The following CRTC1 variants were observed in gnomAD, a reference collection of about 807,000 sequenced individuals.
CRTC1 encodes CREB-regulated transcription coactivator 1.
A neutral mutation model predicts 66.1 loss-of-function variants in CRTC1; 18 were observed. That is an observed-to-expected ratio of 0.27 (90% CI 0.19 to 0.40). The LOEUF is 0.40. Ranked by LOEUF, CRTC1 falls within the 10% of genes least tolerant of loss-of-function variation. The pLI is 1.00. For synonymous variants in CRTC1, 416 were observed against 398.8 expected, an observed-to-expected ratio of 1.04 and a Z score of -0.51; for missense variants, 669 against 887.9, an observed-to-expected ratio of 0.75 and a Z score of 3.13.
rs574177939 is a variant in CRTC1 at position 18,741,874 on chromosome 19, C to T, written c.127-1036C>T. Among the ~76,000 whole-genome samples, 1 of 152,234 alleles carries T rather than the reference C, an allele frequency of 6.6e-6. No individual in the cohort carries two copies. The highest frequency in any genetic ancestry group is 2.4e-5 in the African/African-American group (1 of 41,542). ...TACTTCCGCCTCCGGTGTCCAGGGC[C>T]CCCTAGGAAGCTGGGGCGGTGGGGC... On this transcript the variant is annotated intron_variant, in intron 1 of 13. Coordinates refer to ENST00000321949, the MANE Select transcript of CRTC1 (RefSeq NM_015321.3). The surrounding 1 kb of genome is among the most constrained non-coding windows in gnomAD (Gnocchi z 4.2).
intron 1 of CRTC1, among the ~76,000 whole-genome samples, chr19:18,691,965 G>A (rs530891406): frequency 2.0e-5 from 3 of 151,924 alleles, no homozygotes; most frequent in African/African-American, 4.8e-5. Flanking sequence ...CACCTGCCTC[G>A]GCCTCCCAAT....
At chr19:18,723,378 A>T (rs564062477) in intron 1 of CRTC1, among the ~76,000 whole-genome samples, 2 of 152,188 alleles carry the variant, frequency 1.3e-5, no homozygotes, top group Non-Finnish European at 2.9e-5. Flanking sequence ...CAATCTCCCC[A>T]TGGGGAGAGA....
chr19:18,779,672 G>A lies in CRTC1; in HGVS notation c.*2290G>A, dbSNP rs115717256. The A allele has an allele frequency of 9.5e-3, 2,137 of 224,688 alleles. 51 individuals are homozygous for A. Among genetic ancestry groups the A allele is most frequent in the African/African-American group, 0.044 (1,990 of 44,886 alleles). The allele number at this position is 224,688 out of a possible 1,614,324, so 13.9% of individuals were successfully genotyped here. ...CGCCACTGCTTGTCCTCTGGTCTTC[G>A]GTGTGGACAGATAGGAGAGGAGGGA... On this transcript the variant is annotated 3_prime_UTR_variant, in exon 14 of 14. Transcript: ENST00000321949.
chr19:18,703,834 G>T (rs564478115), intron 1 of CRTC1, among the ~76,000 whole-genome samples: 40 of 152,312 alleles, frequency 2.6e-4, no homozygotes, highest in African/African-American at 8.9e-4. Context: ...CTGACCCCAA[G>T]TTATCTGCCT....
At chr19:18,749,306 T>C (rs1367059660) in intron 4 of CRTC1, among the ~76,000 whole-genome samples, 2 of 152,086 alleles carry the variant, frequency 1.3e-5, no homozygotes, top group African/African-American at 4.8e-5. Context: ...ACACTGAGCA[T>C]CCTAGAGGGC....
intron 12 of CRTC1, among the ~76,000 whole-genome samples, chr19:18,775,335 C>T (rs139744952): frequency 1.7e-4 from 26 of 152,346 alleles, no homozygotes; most frequent in East Asian, 1.5e-3. Context: ...GCGGGTTTGC[C>T]GGGAGGTCGT....
chr19:18,685,357 GA>G (rs200761111), intron 1 of CRTC1, among the ~76,000 whole-genome samples: 9 of 148,326 alleles, frequency 6.1e-5, no homozygotes, highest in African/African-American at 7.5e-5. Context: ...ATGAATGAAT[GA>G]AAAAAAAATA....
intron 1 of CRTC1, among the ~76,000 whole-genome samples, chr19:18,685,050 C>G (rs1180892739): frequency 6.6e-6 from 1 of 152,148 alleles, no homozygotes; most frequent in Non-Finnish European, 1.5e-5. Flanking sequence ...TGCTCGTATC[C>G]CTGGTTTCCA....
chr19:18,713,405 A>G (rs2053434548), intron 1 of CRTC1, among the ~76,000 whole-genome samples: 3 of 152,126 alleles, frequency 2.0e-5, no homozygotes, highest in African/African-American at 7.2e-5. Context: ...ATCTATACTG[A>G]GGACTGGAAT....
chr19:18,716,547 G>A (rs139650321), intron 1 of CRTC1, among the ~76,000 whole-genome samples: 2 of 152,316 alleles, frequency 1.3e-5, no homozygotes, highest in African/African-American at 4.8e-5. Flanking sequence ...ACTGTGCCTG[G>A]CCGGCTCCTG....
rs1303264610 is a variant in CRTC1, at chr19:18,756,998, C to T, written c.625-2553C>T. Among the ~76,000 whole-genome samples the T allele has an allele frequency of 2.6e-5, 4 of 152,242 alleles. No homozygotes were observed. In the South Asian group the frequency reaches 6.2e-4, roughly 24 times the overall value. ...GCGTTCTCCACAGAGGCTTAACACC[C>T]GCCGGTCGCACGCCACCCCTCGGGC... On this transcript the variant is annotated intron_variant, in intron 6 of 13. Coordinates refer to ENST00000321949, the MANE Select transcript of CRTC1 (RefSeq NM_015321.3).
rs755728185 is a variant in CRTC1, at chr19:18,742,984, C to T, written c.201C>T (p.Asn67=). 21 of 1,613,070 alleles carry T rather than the reference C, an allele frequency of 1.3e-5. No individual in the cohort carries two copies. The highest frequency in any genetic ancestry group is 7.7e-5 in the South Asian group (7 of 91,060). The part of the protein sequence containing the change: ...RGQYYGGSLP[N]VNQIGSGTMD... ...AGTACTATGGCGGGTCCCTGCCCAACGTGAACCAGATCGGGAGTGGCACCA... is the reference window on the plus strand; with the variant it reads ...AGTACTATGGCGGGTCCCTGCCCAATGTGAACCAGATCGGGAGTGGCACCA... The change falls in exon 2 of 14, where the codon AAC becomes AAT. Residue 67 remains asparagine, a synonymous_variant. Coordinates refer to ENST00000321949, the MANE Select transcript of CRTC1 (RefSeq NM_015321.3).
intron 1 of CRTC1, among the ~76,000 whole-genome samples, chr19:18,688,134 G>T (rs1347571341): frequency 6.6e-6 from 1 of 152,138 alleles, no homozygotes; most frequent in Non-Finnish European, 1.5e-5. Context: ...ATAGTTTTAG[G>T]GGGGACAGGA....
chr19:18,739,876 G>A (rs113630067), intron 1 of CRTC1, among the ~76,000 whole-genome samples: 3,584 of 152,238 alleles, frequency 0.024, 60 homozygotes, highest in Non-Finnish European at 0.038. Flanking sequence ...CCCACCCTCT[G>A]GCTAGAAAAT....
intron 1 of CRTC1, among the ~76,000 whole-genome samples, chr19:18,699,232 C>T (rs1401053417): frequency 6.6e-6 from 1 of 152,228 alleles, no homozygotes. Context: ...TCCAATGTCC[C>T]CACTTCAGTC....
chr19:18,716,809 T>A (rs2053518295), intron 1 of CRTC1, among the ~76,000 whole-genome samples: 1 of 152,052 alleles, frequency 6.6e-6, no homozygotes, highest in Admixed American at 6.5e-5. Flanking sequence ...CAAGAGAAGA[T>A]GTGGCTTGGG....
intron 1 of CRTC1, among the ~76,000 whole-genome samples, chr19:18,730,360 C>T (rs182594703): frequency 6.6e-6 from 1 of 152,254 alleles, no homozygotes; most frequent in African/African-American, 2.4e-5. Context: ...GCTTCACACG[C>T]TACCTGGTGC....
intron 5 of CRTC1, among the ~76,000 whole-genome samples, chr19:18,751,287 G>C (rs1440475142): frequency 2.6e-5 from 4 of 152,004 alleles, no homozygotes; most frequent in Non-Finnish European, 5.9e-5. Context: ...ACTTTGGGAG[G>C]CCGAGGTGGG....
chr19:18,774,778 C>T (rs774066952), intron 11 of CRTC1, 122 bp from the exon 12 acceptor site: 3 of 861,134 alleles, frequency 3.5e-6, no homozygotes, highest in South Asian at 1.5e-5. Flanking sequence ...TAAGCATCAT[C>T]ATCAGCCTCC....
Sources: gnomAD v4.1 joint callset for allele counts (sites outside exome capture counted in the v4.1 genomes callset) on GRCh38, gnomAD v4.1.1 for gene constraint, Gnocchi (gnomAD v3.1) non-coding constraint, MANE v1.5 for transcripts, NCBI Gene and HGNC (gene_info 2026-07-23, HGNC 2026-07-21) for gene names.